PGBD2: variants seen among roughly 807,000 people sequenced by gnomAD.
PGBD2 encodes piggyBac transposable element-derived protein 2.
A neutral mutation model predicts 8.1 loss-of-function variants in PGBD2; 6 were observed. That is an observed-to-expected ratio of 0.74 (90% CI 0.40 to 1.46). The LOEUF (loss-of-function observed/expected upper bound fraction) is 1.46. Ranked by LOEUF, PGBD2 falls within the 40% of genes most tolerant of loss-of-function variation. The pLI is 0.02. For missense variants in PGBD2, 802 were observed against 739.0 expected, an observed-to-expected ratio of 1.09 and a Z score of -0.99; for synonymous variants, 318 against 272.2, an observed-to-expected ratio of 1.17 and a Z score of -1.66.
chr1:248,925,799 G>A, the PGBD2 span, among the ~76,000 whole-genome samples: 1 of 152,106 alleles, frequency 6.6e-6, no homozygotes, highest in African/African-American at 2.4e-5. Flanking sequence ...AATTCCCAGT[G>A]AACATTCCCA....
chr1:248,891,804 A>G, the PGBD2 span, among the ~76,000 whole-genome samples: 1 of 152,246 alleles, frequency 6.6e-6, no homozygotes, highest in East Asian at 1.9e-4. Context: ...AGCCTGGGCA[A>G]CAGAATGACA....
At chr1:248,904,589 A>G (rs1279547086), upstream of PGBD2, among the ~76,000 whole-genome samples, 1 of 152,018 alleles carries the variant, frequency 6.6e-6, no homozygotes, top group East Asian at 1.9e-4. Flanking sequence ...CTTTGACCTC[A>G]TTTCTTTGAC....
chr1:248,921,721 T>C (rs1662290701), downstream of PGBD2, among the ~76,000 whole-genome samples: 1 of 152,224 alleles, frequency 6.6e-6, no homozygotes, highest in Non-Finnish European at 1.5e-5. Context: ...TAAATTACTT[T>C]GGGCAGTGTG....
the PGBD2 span, among the ~76,000 whole-genome samples, chr1:248,900,056 A>G: frequency 1.3e-5 from 2 of 151,066 alleles, no homozygotes; most frequent in Non-Finnish European, 2.9e-5. Context: ...TGAATAGACC[A>G]ATAATGAGTT....
At chr1:248,897,771 G>A in the PGBD2 span, among the ~76,000 whole-genome samples, 1 of 151,516 alleles carries the variant, frequency 6.6e-6, no homozygotes, top group Non-Finnish European at 1.5e-5. Context: ...TACCAGCTAA[G>A]ACCCACTGGC....
chr1:248,928,760 T>C, the PGBD2 span, among the ~76,000 whole-genome samples: 3 of 152,224 alleles, frequency 2.0e-5, no homozygotes, highest in African/African-American at 7.2e-5. Context: ...TCATTTTTTC[T>C]CAACAAACTT....
At chr1:248,877,274 G>A in the PGBD2 span, among the ~76,000 whole-genome samples, 1 of 152,128 alleles carries the variant, frequency 6.6e-6, no homozygotes, top group African/African-American at 2.4e-5. Context: ...ATCATAGAGT[G>A]AAGTTTCCAG....
the PGBD2 span, among the ~76,000 whole-genome samples, chr1:248,892,972 C>T: frequency 6.6e-6 from 1 of 152,332 alleles, no homozygotes; most frequent in African/African-American, 2.4e-5. Flanking sequence ...AAACTAAGCA[C>T]TGTCTATACA....
the PGBD2 span, among the ~76,000 whole-genome samples, chr1:248,879,913 G>T: frequency 6.6e-6 from 1 of 151,996 alleles, no homozygotes; most frequent in Non-Finnish European, 1.5e-5. Flanking sequence ...TTGATTTTCT[G>T]ATACTGAGTG....
At chr1:248,880,858 A>G in the PGBD2 span, among the ~76,000 whole-genome samples, 1 of 152,172 alleles carries the variant, frequency 6.6e-6, no homozygotes, top group Non-Finnish European at 1.5e-5. Flanking sequence ...ATCTATATTA[A>G]TAGTCTATCC....
rs1662212922 is a variant in PGBD2 at position 248,918,782 on chromosome 1, A to T, written c.*419A>T. ...TCATGTAAATGTGATGGATTTCTTA[A>T]TCATATTTATTTCATATTAATCCAA... On this transcript the variant is annotated 3_prime_UTR_variant, in exon 3 of 3. Coordinates refer to ENST00000329291, the MANE Select transcript of PGBD2 (RefSeq NM_170725.3). 1 of 167,084 alleles carries T rather than the reference A, an allele frequency of 6.0e-6. No individual in the cohort carries two copies. Among genetic ancestry groups the T allele is most frequent in the South Asian group, 2.1e-4 (1 of 4,834 alleles). The allele number at this position is 167,084 out of a possible 1,614,324, so 10.4% of individuals were successfully genotyped here.
chr1:248,918,960 G>A lies in PGBD2; in HGVS notation c.*597G>A, dbSNP rs1329302373. 1 of 166,850 alleles carries A rather than the reference G, an allele frequency of 6.0e-6. No homozygotes were observed. Among genetic ancestry groups the A allele is most frequent in the African/African-American group, 2.4e-5 (1 of 41,370 alleles). The allele number at this position is 166,850 out of a possible 1,614,324, so 10.3% of individuals were successfully genotyped here. A position where few individuals can be genotyped will look rare whatever the true frequency, so the allele number is the denominator to read the frequency against. The stretch of plus-strand genomic sequence containing the variant: ...AAAAAAATTATTTTTTTAATTTTGT[G>A]GGTACATAGTAGGAGTGTATTTTTA... On this transcript the variant is annotated 3_prime_UTR_variant, in exon 3 of 3. Coordinates refer to ENST00000329291, the MANE Select transcript of PGBD2 (RefSeq NM_170725.3).
At chr1:248,883,755 C>A in the PGBD2 span, among the ~76,000 whole-genome samples, 1 of 151,628 alleles carries the variant, frequency 6.6e-6, no homozygotes, top group Non-Finnish European at 1.5e-5. Context: ...CGCCACGATG[C>A]CCAGCTAATT....
chr1:248,901,861 C>A (rs1476458588), upstream of PGBD2, among the ~76,000 whole-genome samples: 3 of 152,176 alleles, frequency 2.0e-5, no homozygotes, highest in African/African-American at 7.2e-5. Context: ...GCAATCTATT[C>A]ATTTGACAAA....
intron 2 of PGBD2, 117 bp downstream of exon 2, chr1:248,913,996 A>G: frequency 2.2e-6 from 2 of 892,760 alleles, no homozygotes; most frequent in Non-Finnish European, 3.8e-6. Context: ...GGTGTCCAGG[A>G]AGTATAAAGG....
chr1:248,883,819 G>A, the PGBD2 span, among the ~76,000 whole-genome samples: 55 of 150,784 alleles, frequency 3.6e-4, no homozygotes, highest in African/African-American at 8.0e-4. Context: ...GGATGGTCTC[G>A]ATCTCCTGAC....
the PGBD2 span, among the ~76,000 whole-genome samples, chr1:248,887,165 T>A: frequency 6.6e-6 from 1 of 152,240 alleles, no homozygotes; most frequent in Non-Finnish European, 1.5e-5. Context: ...ACATTTTACC[T>A]GATCATAGTA....
Position 248,918,062 on chromosome 1 carries a change from C to T in PGBD2, c.1478C>T (p.Ala493Val), listed in dbSNP as rs1662181223. The T allele has an allele frequency of 8.1e-6, 13 of 1,614,218 alleles. No individual in the cohort carries two copies. The highest frequency in any genetic ancestry group is 1.0e-5 in the Non-Finnish European group (12 of 1,180,038). ...AGCTTTATTGGCTATGTCATTGATG[C>T]TGCCCTCAACAATGCATGGCAGCTG... ...YSSFIGYVID[A>V]ALNNAWQLHR... is the part of the protein sequence containing the mutation. The change falls in exon 3 of 3, where the codon GCT (alanine) becomes GTT (valine). Residue 493 changes from alanine (A) to valine (V), a missense_variant. By Grantham distance (64) the Ala-to-Val change is moderately conservative (BLOSUM62 0). Coordinates refer to ENST00000329291, the MANE Select transcript of PGBD2 (RefSeq NM_170725.3).
chr1:248,886,493 C>A, the PGBD2 span, among the ~76,000 whole-genome samples: 1 of 152,160 alleles, frequency 6.6e-6, no homozygotes, highest in Admixed American at 6.5e-5. Context: ...TCAAATTATA[C>A]CACTGAGATA....
Sources: gnomAD v4.1 joint callset for allele counts (sites outside exome capture counted in the v4.1 genomes callset) on GRCh38, gnomAD v4.1.1 for gene constraint, MANE v1.5 for transcripts, NCBI Gene and HGNC (gene_info 2026-07-23, HGNC 2026-07-21) for gene names.